CTNNA2: variants seen among roughly 807,000 people sequenced by gnomAD.
The protein encoded by CTNNA2 is catenin alpha-2.
A neutral mutation model predicts 101.0 loss-of-function variants in CTNNA2; 42 were observed. That is an observed-to-expected ratio of 0.42 (90% CI 0.32 to 0.54). The LOEUF (loss-of-function observed/expected upper bound fraction) is 0.54, where lower values mean the gene tolerates loss of function less well. Ranked by LOEUF, CTNNA2 falls within the 20% of genes least tolerant of loss-of-function variation. CTNNA2 has a pLI of 0.14. For synonymous variants in CTNNA2, 450 were observed against 456.4 expected (o/e 0.99, Z 0.18); for missense variants, 871 against 1,223.1 (o/e 0.71, Z 4.29).
chr2:79,914,166 C>CA (rs55675912), intron 7 of CTNNA2, among the ~76,000 whole-genome samples: 12,349 of 90,000 alleles, frequency 0.14, 933 homozygotes, highest in East Asian at 0.35. Context: ...GACTCCGTCT[C>CA]AAAAAAAAAA....
At chr2:79,552,987 G>A (rs1000193135) in intron 1 of CTNNA2, among the ~76,000 whole-genome samples, 2 of 152,138 alleles carry the variant, frequency 1.3e-5, no homozygotes, top group African/African-American at 4.8e-5. Flanking sequence ...GCAAATTTCT[G>A]CAGCTGGCTT....
intron 1 of CTNNA2, among the ~76,000 whole-genome samples, chr2:79,555,761 C>CA (rs1465639060): frequency 6.6e-6 from 1 of 151,970 alleles, no homozygotes; most frequent in Non-Finnish European, 1.5e-5. Context: ...GTTCATATTG[C>CA]AAACACATCT....
At chr2:79,880,324 G>A (rs1157792951) in intron 6 of CTNNA2, among the ~76,000 whole-genome samples, 1 of 152,038 alleles carries the variant, frequency 6.6e-6, no homozygotes, top group South Asian at 2.1e-4. Context: ...AGATGATGCG[G>A]GCTCCATAAA....
chr2:79,749,854 G>T (rs1671892931), intron 3 of CTNNA2, among the ~76,000 whole-genome samples: 1 of 152,178 alleles, frequency 6.6e-6, no homozygotes. Flanking sequence ...AGATGTCAGA[G>T]TAGATTTATT....
chr2:79,741,689 A>G (rs914718159), intron 2 of CTNNA2, among the ~76,000 whole-genome samples: 1 of 151,954 alleles, frequency 6.6e-6, no homozygotes, highest in Non-Finnish European at 1.5e-5. Flanking sequence ...TTTATTGTTT[A>G]TGTTGTATTT....
intron 1 of CTNNA2, among the ~76,000 whole-genome samples, chr2:79,196,895 T>C (rs889238805): frequency 3.9e-5 from 6 of 152,188 alleles, no homozygotes; most frequent in African/African-American, 1.4e-4. Context: ...CTTTATCTCT[T>C]CTCAGCATCT....
chr2:79,288,528 C>T (rs1162366950), intron 2 of CTNNA2, among the ~76,000 whole-genome samples: 2 of 152,202 alleles, frequency 1.3e-5, no homozygotes, highest in African/African-American at 4.8e-5. Context: ...TCTACTCTCA[C>T]ATTCCTGGCA....
chr2:79,237,752 A>G (rs12474480), intron 2 of CTNNA2, among the ~76,000 whole-genome samples: 86,689 of 152,038 alleles, frequency 0.57, 25,074 homozygotes, highest in East Asian at 0.65. Flanking sequence ...CTTAAACATT[A>G]TGTACCAACC....
intron 7 of CTNNA2, among the ~76,000 whole-genome samples, chr2:80,133,350 G>A (rs1026370351): frequency 2.6e-5 from 4 of 152,108 alleles, no homozygotes; most frequent in African/African-American, 9.7e-5. Context: ...ATAAATTTCT[G>A]TTGTTTTAAG....
intron 7 of CTNNA2, among the ~76,000 whole-genome samples, chr2:80,224,814 A>G (rs1016510342): frequency 1.3e-5 from 2 of 151,624 alleles, no homozygotes; most frequent in African/African-American, 2.4e-5. Context: ...TCTTCAGTCA[A>G]TTGATCACAT....
intron 9 of CTNNA2, among the ~76,000 whole-genome samples, chr2:80,489,761 T>C (rs970691478): frequency 2.0e-5 from 3 of 152,214 alleles, no homozygotes; most frequent in Non-Finnish European, 4.4e-5. Context: ...GTTCAAGATG[T>C]ATTCTCATGG....
At chr2:79,449,805 A>G (rs575436876) in intron 4 of CTNNA2, among the ~76,000 whole-genome samples, 21 of 152,014 alleles carry the variant, frequency 1.4e-4, no homozygotes, top group African/African-American at 4.8e-4. Context: ...ATGAGAGAAA[A>G]CCTAATCAAC....
chr2:79,305,078 G>T (rs967360101), intron 2 of CTNNA2, among the ~76,000 whole-genome samples: 1 of 152,018 alleles, frequency 6.6e-6, no homozygotes, highest in African/African-American at 2.4e-5. Flanking sequence ...GTGACAAGGG[G>T]AATTCTGTGT....
rs1022188764 is a variant in CTNNA2 at position 80,335,599 on chromosome 2, C to T, written c.1057-57612C>T. ...CCAATTGGTCTGGGAGAGGTTATTC[C>T]TGCCTACTGTATTTCTGGCATCAGT... On this transcript the variant is annotated intron_variant, in intron 7 of 18. Transcript: ENST00000402739. Among the ~76,000 whole-genome samples the T allele has an allele frequency of 2.6e-5, 4 of 152,108 alleles. No individual in the cohort carries two copies. In the East Asian group the frequency reaches 5.8e-4, roughly 22 times the overall value.
At chr2:79,521,976 C>T (rs1201743991) in intron 1 of CTNNA2, among the ~76,000 whole-genome samples, 1 of 152,148 alleles carries the variant, frequency 6.6e-6, no homozygotes, top group African/African-American at 2.4e-5. Flanking sequence ...AAGCAAAAGT[C>T]AGTGCTGGCA....
intron 4 of CTNNA2, among the ~76,000 whole-genome samples, chr2:79,411,893 C>T (rs892102641): frequency 2.9e-4 from 44 of 152,032 alleles, no homozygotes; most frequent in Admixed American, 3.3e-4. Flanking sequence ...TCACACATAA[C>T]AATATTATCT....
rs149349153 is a variant in CTNNA2 at position 80,158,631 on chromosome 2, C to T, written c.1057-234580C>T. ...GTTGTTTTAAGAATGTCATACAGGCCGGGCATGGTGGCTTACGCCTGTAAT... is the reference window on the plus strand; with the variant it reads ...GTTGTTTTAAGAATGTCATACAGGCTGGGCATGGTGGCTTACGCCTGTAAT... On this transcript the variant is annotated intron_variant, in intron 7 of 18. Coordinates refer to ENST00000402739, the MANE Select transcript of CTNNA2 (RefSeq NM_001282597.3). 7.9e-4 allele frequency among the ~76,000 whole-genome samples: 120 copies of T among 152,272 alleles called. 1 individual carries two copies. The highest frequency in any genetic ancestry group is 2.5e-3 in the African/African-American group (104 of 41,566).
At chr2:79,606,095 A>G (rs1277562905) in intron 1 of CTNNA2, among the ~76,000 whole-genome samples, 1 of 152,206 alleles carries the variant, frequency 6.6e-6, no homozygotes, top group Non-Finnish European at 1.5e-5. Flanking sequence ...GAAAAAATCA[A>G]TAATATCTTG....
intron 3 of CTNNA2, among the ~76,000 whole-genome samples, chr2:79,359,139 T>C (rs955766938): frequency 6.6e-6 from 1 of 152,156 alleles, no homozygotes; most frequent in Non-Finnish European, 1.5e-5. Flanking sequence ...CAACTTTTGA[T>C]ACAGAGGGAG....
Sources: gnomAD v4.1 joint callset for allele counts (sites outside exome capture counted in the v4.1 genomes callset) on GRCh38, gnomAD v4.1.1 for gene constraint, MANE v1.5 for transcripts, NCBI Gene and HGNC (gene_info 2026-07-23, HGNC 2026-07-21) for gene names.